The following CACNA1E variants were observed in gnomAD, a reference collection of about 807,000 sequenced individuals.
The protein encoded by CACNA1E is voltage-dependent R-type calcium channel subunit alpha-1E.
CACNA1E carries 40 observed loss-of-function variants against 259.2 expected under a neutral mutation model. The ratio of observed to expected loss-of-function variants is 0.15; its 90% CI spans 0.12 to 0.20. The LOEUF (loss-of-function observed/expected upper bound fraction) is 0.20. Ranked by LOEUF, CACNA1E falls within the 10% of genes least tolerant of loss-of-function variation. CACNA1E has a pLI of 1.00. For synonymous variants in CACNA1E, 1,104 were observed against 1,138.5 expected, an observed-to-expected ratio of 0.97 and a Z score of 0.61; for missense variants, 1,874 against 3,040.1, an observed-to-expected ratio of 0.62 and a Z score of 9.02.
intron 7 of CACNA1E, among the ~76,000 whole-genome samples, chr1:181,678,516 A>G (rs1355762701): frequency 6.6e-6 from 1 of 152,210 alleles, no homozygotes; most frequent in Non-Finnish European, 1.5e-5. Flanking sequence ...CTGCACATCT[A>G]TCTAACATGT....
chr1:181,626,038 C>T (rs1322334794), intron 6 of CACNA1E, among the ~76,000 whole-genome samples: 2 of 152,098 alleles, frequency 1.3e-5, no homozygotes, highest in Non-Finnish European at 2.9e-5. Context: ...GTCAATGGTG[C>T]AGTCATAACA....
chr1:181,511,602 C>G (rs936183931), intron 3 of CACNA1E, 92 bp downstream of exon 3: 5 of 1,432,252 alleles, frequency 3.5e-6, no homozygotes, highest in African/African-American at 1.4e-5. Context: ...GGTGGAAAGA[C>G]AGCAATCTGT....
In CACNA1E at chr1:181,740,536, G is replaced by GCT. The variant is rs1263660054; in HGVS notation, c.3719+1294_3719+1295dup. On this transcript the variant is annotated intron_variant, in intron 25 of 47. Coordinates refer to ENST00000367573, the MANE Select transcript of CACNA1E (RefSeq NM_001205293.3). ...CTGGTGGGGGTGGGGATAGTGGAGG[G>GCT]CTCTCTCTCTCTTAAGGAGAGGTAC... 3.9e-5 allele frequency among the ~76,000 whole-genome samples: 6 copies of GCT among 151,968 alleles called. No individual in the cohort carries two copies. In the East Asian group the frequency reaches 9.7e-4, roughly 25 times the overall value.
intron 1 of CACNA1E, among the ~76,000 whole-genome samples, chr1:181,350,774 ATT>A (rs1213486147): frequency 6.6e-6 from 1 of 151,904 alleles, no homozygotes; most frequent in Non-Finnish European, 1.5e-5. Flanking sequence ...TATTCTCCCA[ATT>A]TTTTCCCACC....
Position 181,781,452 on chromosome 1 carries a change from T to C in CACNA1E, c.5293T>C (p.Tyr1765His), listed in dbSNP as rs1660425307. Residue 1765 changes from tyrosine to histidine, a missense_variant, in exon 39 of 48, where the codon TAT becomes CAT. Coordinates refer to ENST00000367573, the MANE Select transcript of CACNA1E (RefSeq NM_001205293.3). ...ACGRIHYTEMYEMLTLMSPPL... is the reference protein window; with the variant it reads ...ACGRIHYTEMHEMLTLMSPPL... ...TGGCCGCATCCATTACACTGAGATG[T>C]ATGAAATGCTGACTCTCATGTCACC... 1.3e-6 allele frequency: 2 copies of C among 1,592,506 alleles called. No homozygotes were observed. Among genetic ancestry groups the C allele is most frequent in the Non-Finnish European group, 1.7e-6 (2 of 1,166,786 alleles).
At chr1:181,648,231 C>T (rs1019212289) in intron 6 of CACNA1E, among the ~76,000 whole-genome samples, 2 of 152,178 alleles carry the variant, frequency 1.3e-5, no homozygotes, top group African/African-American at 4.8e-5. Flanking sequence ...GATTAGTCGA[C>T]CATCTATGCA....
At chr1:181,486,879 C>T (rs1053780119) in intron 1 of CACNA1E, among the ~76,000 whole-genome samples, 2 of 152,164 alleles carry the variant, frequency 1.3e-5, no homozygotes, top group African/African-American at 4.8e-5. Flanking sequence ...GCATCCACAT[C>T]ACCTGGGAGC....
chr1:181,507,541 T>G (rs1156913932), intron 1 of CACNA1E, among the ~76,000 whole-genome samples: 1 of 151,774 alleles, frequency 6.6e-6, no homozygotes, highest in African/African-American at 2.4e-5. Flanking sequence ...ATATTGTGAG[T>G]GGAGAGTCAG....
At chr1:181,663,687 A>G (rs1572528798) in intron 7 of CACNA1E, among the ~76,000 whole-genome samples, 2 of 152,210 alleles carry the variant, frequency 1.3e-5, no homozygotes, top group Middle Eastern at 6.8e-3. Flanking sequence ...TCCTCGAAAA[A>G]CCTGCAGAGA....
At chr1:181,321,196 C>G (rs1650314955) in intron 1 of CACNA1E, among the ~76,000 whole-genome samples, 1 of 152,204 alleles carries the variant, frequency 6.6e-6, no homozygotes, top group South Asian at 2.1e-4. Flanking sequence ...GACCCAAACA[C>G]CTCTCACTAG....
chr1:181,642,952 A>C (rs1206224207), intron 6 of CACNA1E, among the ~76,000 whole-genome samples: 4 of 152,196 alleles, frequency 2.6e-5, no homozygotes, highest in African/African-American at 4.8e-5. Context: ...TGATAGTTGC[A>C]AAAATATAAA....
intron 16 of CACNA1E, among the ~76,000 whole-genome samples, chr1:181,724,211 CAGATGGTTTGATTCA>C (rs754447526): frequency 1.5e-4 from 23 of 152,182 alleles, no homozygotes; most frequent in Non-Finnish European, 3.1e-4. Flanking sequence ...ATCTGGCCCC[CAGATGGTTTGATTCA>C]AGTATTTCTT....
At chr1:181,608,457 C>G (rs930647426) in intron 6 of CACNA1E, among the ~76,000 whole-genome samples, 2 of 152,112 alleles carry the variant, frequency 1.3e-5, no homozygotes, top group African/African-American at 4.8e-5. Flanking sequence ...ACAAGGGGGG[C>G]TACAGCAGTT....
chr1:181,631,680 G>A (rs1656758241), intron 6 of CACNA1E, among the ~76,000 whole-genome samples: 1 of 152,122 alleles, frequency 6.6e-6, no homozygotes, highest in Non-Finnish European at 1.5e-5. Flanking sequence ...AGTAAACCCT[G>A]GAGCACCTGA....
At chr1:181,736,463 T>G in intron 22 of CACNA1E, 29 bp downstream of exon 22, 1 of 1,598,518 alleles carries the variant, frequency 6.3e-7, no homozygotes, top group Non-Finnish European at 8.5e-7. Flanking sequence ...GCTCCCTCTT[T>G]AGTGCTAGGG....
intron 1 of CACNA1E, among the ~76,000 whole-genome samples, chr1:181,342,401 T>A (rs976162808): frequency 4.6e-5 from 7 of 152,078 alleles, no homozygotes; most frequent in Non-Finnish European, 7.3e-5. Flanking sequence ...AAACTGCTTG[T>A]AGCAACATCA....
At chr1:181,536,526 C>G (rs1668181671) in intron 3 of CACNA1E, among the ~76,000 whole-genome samples, 1 of 152,118 alleles carries the variant, frequency 6.6e-6, no homozygotes, top group Admixed American at 6.5e-5. Context: ...AATTATATGT[C>G]TTCATTCTCA....
intron 34 of CACNA1E, 83 bp downstream of exon 34, chr1:181,763,614 C>T: frequency 8.9e-7 from 1 of 1,118,326 alleles, no homozygotes; most frequent in Non-Finnish European, 1.2e-6. Flanking sequence ...TACCCAAGTC[C>T]CTTCACCTCT....
chr1:181,741,482 A>G (rs1656568416), intron 25 of CACNA1E, among the ~76,000 whole-genome samples: 1 of 152,216 alleles, frequency 6.6e-6, no homozygotes. Context: ...ATATAGGAGG[A>G]AGTACATATT....
Sources: allele counts gnomAD v4.1 joint callset (sites outside exome capture counted in the v4.1 genomes callset), GRCh38; gene constraint gnomAD v4.1.1; transcripts MANE v1.5; gene names NCBI Gene and HGNC (gene_info 2026-07-23, HGNC 2026-07-21).